Variants in DNAJC3 observed in about 807,000 individuals in gnomAD.
DNAJC3 encodes the protein DnaJ heat shock protein family (Hsp40) member C3.
In DNAJC3, 38 loss-of-function variants were observed where a neutral mutation model predicts 68.6. The observed-to-expected ratio is 0.55, with a 90% confidence interval of 0.43 to 0.73. The LOEUF (loss-of-function observed/expected upper bound fraction) is 0.73, where lower values mean the gene tolerates loss of function less well. Ranked by LOEUF, DNAJC3 falls within the 30% of genes least tolerant of loss-of-function variation. DNAJC3 has a pLI of 0.00. For missense variants in DNAJC3, 526 were observed against 591.9 expected, an observed-to-expected ratio of 0.89 and a Z score of 1.16; for synonymous variants, 203 against 204.0, an observed-to-expected ratio of 1.00 and a Z score of 0.04.
intron 9 of DNAJC3, among the ~76,000 whole-genome samples, chr13:95,785,450 A>AC (rs1213221644): frequency 7.5e-6 from 1 of 133,412 alleles, no homozygotes; most frequent in African/African-American, 3.0e-5. Context: ...TGCCTTTTAA[A>AC]CCTTTTTTTT....
At chr13:95,701,026 CT>C (rs1488466123) in intron 1 of DNAJC3, among the ~76,000 whole-genome samples, 2 of 152,092 alleles carry the variant, frequency 1.3e-5, no homozygotes, top group East Asian at 3.9e-4. Flanking sequence ...ATGTCATGTC[CT>C]TTGTTTTTGG....
chr13:95,772,997 A>G (rs547701191), intron 9 of DNAJC3, among the ~76,000 whole-genome samples: 2 of 151,978 alleles, frequency 1.3e-5, no homozygotes, highest in African/African-American at 4.8e-5. Context: ...ACAGTTCAAA[A>G]TTGTCCCTCC....
chr13:95,687,418 A>G lies in DNAJC3; in HGVS notation c.82+10081A>G, dbSNP rs375056521. Among the ~76,000 whole-genome samples, 45 of 152,278 alleles carry G rather than the reference A, an allele frequency of 3.0e-4. No individual in the cohort carries two copies. The South Asian group carries it at 8.5e-3, about 29-fold the overall frequency. On this transcript the variant is annotated intron_variant, in intron 1 of 11. Transcript: ENST00000602402. ...ACTTCCAGTACTATGTTGAATTGGA[A>G]TAGTAAGAGTGAACATCATTGTCCT...
chr13:95,735,104 AATG>A (rs1335571740), intron 4 of DNAJC3, among the ~76,000 whole-genome samples: 1 of 150,730 alleles, frequency 6.6e-6, no homozygotes, highest in Non-Finnish European at 1.5e-5. Context: ...GTTTACTGAG[AATG>A]ATGATTTCCA....
At chr13:95,767,872 T>TTTCCGTA (rs1883042324) in intron 9 of DNAJC3, among the ~76,000 whole-genome samples, 1 of 151,268 alleles carries the variant, frequency 6.6e-6, no homozygotes, top group Non-Finnish European at 1.5e-5. Context: ...TTCTTTTTTT[T>TTTCCGTA]TTCCGTATTT....
intron 1 of DNAJC3, among the ~76,000 whole-genome samples, chr13:95,684,129 G>C (rs2061051017): frequency 6.6e-6 from 1 of 152,086 alleles, no homozygotes; most frequent in South Asian, 2.1e-4. Flanking sequence ...GACAGGAAGA[G>C]GAACGAAAGT....
At chr13:95,784,041 T>C (rs1339258082) in intron 9 of DNAJC3, among the ~76,000 whole-genome samples, 1 of 152,238 alleles carries the variant, frequency 6.6e-6, no homozygotes, top group Non-Finnish European at 1.5e-5. Context: ...CCCCTTTGCA[T>C]TTGGCTGTCT....
intron 4 of DNAJC3, among the ~76,000 whole-genome samples, chr13:95,753,795 C>T (rs1016746298): frequency 2.6e-5 from 4 of 152,146 alleles, no homozygotes; most frequent in African/African-American, 4.8e-5. Flanking sequence ...AGAGTATCTT[C>T]TTAATCTCTC....
chr13:95,737,690 G>A (rs1358826393), intron 4 of DNAJC3, among the ~76,000 whole-genome samples: 1 of 151,500 alleles, frequency 6.6e-6, no homozygotes, highest in African/African-American at 2.4e-5. Context: ...TTTTTTTATT[G>A]TGTCTATTTG....
intron 1 of DNAJC3, among the ~76,000 whole-genome samples, chr13:95,685,793 C>G (rs1880059128): frequency 6.6e-6 from 1 of 151,486 alleles, no homozygotes; most frequent in Non-Finnish European, 1.5e-5. Context: ...ATGCTAACAT[C>G]TATTTTTTTT....
chr13:95,761,310 G>A (rs903807115), intron 7 of DNAJC3, among the ~76,000 whole-genome samples: 5 of 151,974 alleles, frequency 3.3e-5, no homozygotes, highest in African/African-American at 1.2e-4. Context: ...TAATCCTAAA[G>A]AATAAGTAAA....
At chr13:95,757,866 T>C (rs1594009760) in intron 5 of DNAJC3, 70 bp downstream of exon 5, 1 of 1,407,880 alleles carries the variant, frequency 7.1e-7, no homozygotes, top group East Asian at 2.3e-5. Context: ...TACTTCGACA[T>C]GTCACATACC....
intron 1 of DNAJC3, among the ~76,000 whole-genome samples, chr13:95,685,691 T>G (rs1880056054): frequency 6.8e-6 from 1 of 146,968 alleles, no homozygotes. Context: ...GGTTTTTTGT[T>G]TTTTTTTAGA....
At chr13:95,782,925 T>C (rs1295957459) in intron 9 of DNAJC3, among the ~76,000 whole-genome samples, 1 of 152,206 alleles carries the variant, frequency 6.6e-6, no homozygotes, top group African/African-American at 2.4e-5. Context: ...TAGGTTTTCT[T>C]CTAGGGTTTT....
At chr13:95,703,947 G>C (rs1415192640) in intron 1 of DNAJC3, among the ~76,000 whole-genome samples, 1 of 152,024 alleles carries the variant, frequency 6.6e-6, no homozygotes, top group Non-Finnish European at 1.5e-5. Flanking sequence ...ATTGAGCATG[G>C]AAGTAGTATG....
chr13:95,785,859 T>C (rs746926568), intron 9 of DNAJC3, 80 bp from the exon 10 acceptor site: 11 of 1,364,550 alleles, frequency 8.1e-6, no homozygotes, highest in Non-Finnish European at 6.9e-6. Context: ...ATGACGACTT[T>C]AGCATCAATT....
intron 4 of DNAJC3, among the ~76,000 whole-genome samples, chr13:95,739,015 C>A (rs1468791490): frequency 2.6e-5 from 4 of 151,822 alleles, no homozygotes; most frequent in Non-Finnish European, 4.4e-5. Context: ...GTAGGGCAGG[C>A]CTGGTGGTGA....
chr13:95,723,858 G>A (rs1382675487), intron 3 of DNAJC3, among the ~76,000 whole-genome samples: 4 of 152,198 alleles, frequency 2.6e-5, no homozygotes, highest in Non-Finnish European at 5.9e-5. Context: ...GAAACTTGTA[G>A]CCTAGTAGGA....
intron 7 of DNAJC3, among the ~76,000 whole-genome samples, chr13:95,761,462 G>A (rs1882817393): frequency 6.6e-6 from 1 of 152,158 alleles, no homozygotes; most frequent in Non-Finnish European, 1.5e-5. Context: ...TCTACTTTTA[G>A]TAGCTTTGTA....
Sources: allele counts gnomAD v4.1 joint callset (sites outside exome capture counted in the v4.1 genomes callset), GRCh38; gene constraint gnomAD v4.1.1; transcripts MANE v1.5; gene names NCBI Gene and HGNC (gene_info 2026-07-23, HGNC 2026-07-21).